CD248: variants seen among roughly 807,000 people sequenced by gnomAD.
CD248 encodes endosialin.
CD248 carries 7 observed loss-of-function variants against 8.0 expected under a neutral mutation model. The ratio of observed to expected loss-of-function variants is 0.88; its 90% CI spans 0.50 to 1.64. The LOEUF (loss-of-function observed/expected upper bound fraction) is 1.64. CD248 is among the 40% of genes most tolerant of loss of function. The pLI is 0.00. For synonymous variants in CD248, 418 were observed against 437.1 expected (o/e 0.96, Z 0.54); for missense variants, 912 against 1,027.2 (o/e 0.89, Z 1.53).
rs558286010 is a variant in CD248 at position 66,316,178 on chromosome 11, A to G, written c.850T>C (p.Cys284Arg). The change falls in exon 1 of 1, where the codon TGT (cysteine) becomes CGT (arginine). Residue 284 changes from cysteine to arginine, a missense_variant. Physicochemically the swap from Cys to Arg is radical, Grantham distance 180 (BLOSUM62 -3). Around this residue, in one of 3 missense-constraint regions of CD248, gnomAD observed 403 missense variants for 446.2 expected, o/e 0.90. Transcript: ENST00000311330. ...PCAQAPCEQQ[C>R]EPGGPQGYSC... is the part of the protein sequence containing the mutation. ...TAGCCTTGTGGCCCACCGGGCTCAC[A>G]CTGCTGCTCGCACGGAGCCTGGGCA... The G allele has an allele frequency of 6.2e-7, 1 of 1,612,560 alleles. No homozygotes were observed. The highest frequency in any genetic ancestry group is 1.3e-5 in the African/African-American group (1 of 75,072).
In CD248 at chr11:66,316,093, T is replaced by C. The variant is rs1313040302; in HGVS notation, c.935A>G (p.Asp312Gly). 1 of 1,613,642 alleles carries C rather than the reference T, an allele frequency of 6.2e-7. No homozygotes were observed. Among genetic ancestry groups the C allele is most frequent in the Non-Finnish European group, 8.5e-7 (1 of 1,180,032 alleles). ...PAEDDPHRCV[D>G]TDECQIAGVC... is the part of the protein sequence containing the mutation. The stretch of plus-strand genomic sequence containing the variant: ...ACCGGCAATCTGGCACTCATCTGTG[T>C]CCACACAGCGGTGCGGATCATCCTC... Residue 312 changes from aspartate (D) to glycine (G), a missense_variant, in exon 1 of 1, where the codon GAC becomes GGC. Physicochemically the swap from Asp to Gly is moderately conservative, Grantham distance 94. This residue lies in a region of CD248 where 403 missense variants were observed against 446.2 expected (regional missense o/e 0.90). Transcript: ENST00000311330.
chr11:66,316,926 G>C lies in CD248; in HGVS notation c.102C>G (p.Cys34Trp). 2 of 1,556,518 alleles carry C rather than the reference G, an allele frequency of 1.3e-6. No individual in the cohort carries two copies. Among genetic ancestry groups the C allele is most frequent in the Non-Finnish European group, 1.7e-6 (2 of 1,162,014 alleles). ...TGCGGCGCCGTGGGAAGAGAGCGTA[G>C]CAGCTGCTGGGGCCGCAGGCGGCAC... Reference protein sequence around the residue: ...EPRAACGPSSCYALFPRRRTF... With the variant: ...EPRAACGPSSWYALFPRRRTF... The change falls in exon 1 of 1, where the codon TGC becomes TGG. Residue 34 changes from cysteine to tryptophan, a missense_variant. Cys to Trp is a radical substitution (Grantham distance 215). Around this residue, in one of 3 missense-constraint regions of CD248, gnomAD observed 403 missense variants for 446.2 expected, o/e 0.90. Transcript: ENST00000311330.
In CD248 at chr11:66,316,143, G is replaced by A. The variant is rs762736174; in HGVS notation, c.885C>T (p.His295=). 12 of 1,612,664 alleles carry A rather than the reference G, an allele frequency of 7.4e-6. No individual in the cohort carries two copies. The highest frequency in any genetic ancestry group is 2.2e-5 in the South Asian group (2 of 91,092). Reference sequence around the variant, plus strand: ...CCGCTGGCCGGAAACCCAGGCGACAGTGGCAGCTGTAGCCTTGTGGCCCAC... The same window carrying A: ...CCGCTGGCCGGAAACCCAGGCGACAATGGCAGCTGTAGCCTTGTGGCCCAC... ...EPGGPQGYSC[H]CRLGFRPAED... The change falls in exon 1 of 1, where the codon CAC becomes CAT. Residue 295 remains histidine (H), a synonymous_variant. Transcript: ENST00000311330.
In CD248 at chr11:66,314,948, G is replaced by T; in HGVS notation, c.2080C>A (p.Pro694Thr). ...AGGACCACCAAAAAGACACACGTTG[G>T]CACCAGGAGTGCCACCAGCAGCCAC... The part of the protein sequence containing the change: ...DRWLLVALLV[P>T]TCVFLVVLLA... The change falls in exon 1 of 1, where the codon CCA becomes ACA. Residue 694 changes from proline to threonine, a missense_variant. By Grantham distance (38) the Pro-to-Thr change is conservative. Around this residue, in one of 3 missense-constraint regions of CD248, gnomAD observed 507 missense variants for 562.2 expected, o/e 0.90. Transcript: ENST00000311330. The surrounding 1 kb of genome is among the most constrained non-coding windows in gnomAD (Gnocchi z 4.0). 6.2e-7 allele frequency: 1 copy of T among 1,613,398 alleles called. No homozygotes were observed. Among genetic ancestry groups the T allele is most frequent in the Non-Finnish European group, 8.5e-7 (1 of 1,179,960 alleles).
In CD248 at chr11:66,315,076, G is replaced by C; in HGVS notation, c.1952C>G (p.Pro651Arg). 1 of 1,567,558 alleles carries C rather than the reference G, an allele frequency of 6.4e-7. No homozygotes were observed. The highest frequency in any genetic ancestry group is 1.3e-5 in the African/African-American group (1 of 74,076). Residue 651 changes from proline to arginine, a missense_variant, in exon 1 of 1, where the codon CCC (proline) becomes CGC (arginine). Pro to Arg is a moderately radical substitution (Grantham distance 103, BLOSUM62 -2). Transcript: ENST00000311330. This position sits in a 1 kb window ranked among gnomAD's most constrained non-coding sequence, Gnocchi z 4.3. ...CAGCCACAGGGCCAACTTGGGACTG[G>C]GGCCATCTTCCCTTGGGATTTGGGG... Reference protein sequence around the residue: ...KAPQIPREDGPSPKLALWLPS... With the variant: ...KAPQIPREDGRSPKLALWLPS...
Position 66,314,924 on chromosome 11 carries a change from G to T in CD248, c.2104C>A (p.Leu702Met). ...LVPTCVFLVV[L>M]LALGIVYCTR... ...CAGTACACGATGCCCAGTGCAAGCA[G>T]GACCACCAAAAAGACACACGTTGGC... Residue 702 changes from leucine to methionine, a missense_variant, in exon 1 of 1, where the codon CTG (leucine) becomes ATG (methionine). Physicochemically the swap from Leu to Met is conservative, Grantham distance 15. Coordinates refer to ENST00000311330, the MANE Select transcript of CD248 (RefSeq NM_020404.3). The surrounding 1 kb of genome is among the most constrained non-coding windows in gnomAD (Gnocchi z 4.0). The T allele has an allele frequency of 6.2e-7, 1 of 1,613,362 alleles. No individual in the cohort carries two copies. Among genetic ancestry groups the T allele is most frequent in the South Asian group, 1.1e-5 (1 of 91,036 alleles).
rs1249130779 is a variant in CD248 at position 66,314,851 on chromosome 11, T to C, written c.2177A>G (p.Tyr726Cys). 6.3e-7 allele frequency: 1 copy of C among 1,598,322 alleles called. No homozygotes were observed. Among genetic ancestry groups the C allele is most frequent in the South Asian group, 1.1e-5 (1 of 88,856 alleles). ...GCTCCCAGCATGGATGACCCAGCGA[T>C]AGCAGTCAGTGATGCGCTTGTTGGG... is the stretch of plus-strand genomic sequence containing the variant. ...HAPNKRITDC[Y>C]RWVIHAGSKS... Residue 726 changes from tyrosine to cysteine, a missense_variant, in exon 1 of 1, where the codon TAT becomes TGT. Tyr to Cys is a radical substitution (Grantham distance 194, BLOSUM62 -2). Coordinates refer to ENST00000311330, the MANE Select transcript of CD248 (RefSeq NM_020404.3). This position sits in a 1 kb window ranked among gnomAD's most constrained non-coding sequence, Gnocchi z 4.0.
Position 66,315,717 on chromosome 11 carries a change from C to T in CD248, c.1311G>A (p.Arg437=). Residue 437 remains arginine (R), a synonymous_variant, in exon 1 of 1, where the codon AGG becomes AGA. Coordinates refer to ENST00000311330, the MANE Select transcript of CD248 (RefSeq NM_020404.3). This position sits in a 1 kb window ranked among gnomAD's most constrained non-coding sequence, Gnocchi z 4.3. ...AGAGCACTGAGGAGTGGTAGGGGAC[C>T]CTGGGGGCACTGAGCGGGGGTGGCC... is the stretch of plus-strand genomic sequence containing the variant. The part of the protein sequence containing the change: ...PTWPPPLSAP[R]VPYHSSVLSV... The T allele has an allele frequency of 6.2e-7, 1 of 1,611,308 alleles. No homozygotes were observed. Among genetic ancestry groups the T allele is most frequent in the Non-Finnish European group, 8.5e-7 (1 of 1,178,220 alleles).
Position 66,316,580 on chromosome 11 carries a change from C to T in CD248, c.448G>A (p.Ala150Thr). Residue 150 changes from alanine to threonine, a missense_variant, in exon 1 of 1, where the codon GCT becomes ACT. Coordinates refer to ENST00000311330, the MANE Select transcript of CD248 (RefSeq NM_020404.3). ...HRWLEGSCTL[A>T]VDGYLCQFGF... ...AACTGGCACAGGTAGCCGTCGACAG[C>T]CAGCGTGCACGAGCCCTCCAGCCAG... is the stretch of plus-strand genomic sequence containing the variant. 6.2e-7 allele frequency: 1 copy of T among 1,601,124 alleles called. No homozygotes were observed. The highest frequency in any genetic ancestry group is 8.5e-7 in the Non-Finnish European group (1 of 1,179,410).
At position 66,316,329 on chromosome 11, in the gene CD248, A is replaced by G. The variant is rs1407689158; in HGVS notation, c.699T>C (p.Thr233=). ...AGCCCCCGTTGTCAGGGCTGCAGCC[A>G]GTCCCCAGGCACAGGGGCCCAGCCC... ...WSRAGPLCLG[T]GCSPDNGGCE... Residue 233 remains threonine (T), a synonymous_variant, in exon 1 of 1, where the codon ACT becomes ACC. Coordinates refer to ENST00000311330, the MANE Select transcript of CD248 (RefSeq NM_020404.3). 2.5e-6 allele frequency: 4 copies of G among 1,612,798 alleles called. No individual in the cohort carries two copies. In the African/African-American group the frequency reaches 5.3e-5, roughly 22 times the overall value.
chr11:66,315,185 C>T lies in CD248; in HGVS notation c.1843G>A (p.Ala615Thr), dbSNP rs573402557. The change falls in exon 1 of 1, where the codon GCA (alanine) becomes ACA (threonine). Residue 615 changes from alanine (A) to threonine (T), a missense_variant. Ala to Thr is a moderately conservative substitution (Grantham distance 58, BLOSUM62 0). This residue lies in a region of CD248 where 507 missense variants were observed against 562.2 expected (regional missense o/e 0.90). Transcript: ENST00000311330. This position sits in a 1 kb window ranked among gnomAD's most constrained non-coding sequence, Gnocchi z 4.3. ...QISVPAATQP[A>T]ALPTLLPSQS... Reference sequence around the variant, plus strand: ...GAGGGCAGGAGGGTGGGGAGGGCTGCGGGCTGGGTGGCAGCAGGCACAGAG... The same window carrying T: ...GAGGGCAGGAGGGTGGGGAGGGCTGTGGGCTGGGTGGCAGCAGGCACAGAG... 6.8e-5 allele frequency: 104 copies of T among 1,525,974 alleles called. 1 individual carries two copies. The South Asian group carries it at 9.4e-4, about 14-fold the overall frequency. 94.5% of individuals were successfully genotyped at this position (1,525,974 alleles called of 1,614,324 possible). A position where few individuals can be genotyped will look rare whatever the true frequency, so the allele number is the denominator to read the frequency against.
rs368665958 is a variant in CD248, at chr11:66,316,522, T to A, written c.506A>T (p.Asp169Val). The A allele has an allele frequency of 7.5e-5, 120 of 1,598,720 alleles. No individual in the cohort carries two copies. The highest frequency in any genetic ancestry group is 1.6e-4 in the Middle Eastern group (1 of 6,072). Residue 169 changes from aspartate (D) to valine (V), a missense_variant, in exon 1 of 1, where the codon GAT becomes GTT. Asp to Val is a radical substitution (Grantham distance 152, BLOSUM62 -3). Coordinates refer to ENST00000311330, the MANE Select transcript of CD248 (RefSeq NM_020404.3). Reference protein sequence around the residue: ...GFEGACPALQDEAGQAGPAVY... With the variant: ...GFEGACPALQVEAGQAGPAVY... Reference sequence around the variant, plus strand: ...GGCTGGGCCGGCCTGGCCCGCCTCATCTTGCAGCGCCGGGCAGGCGCCCTC... The same window carrying A: ...GGCTGGGCCGGCCTGGCCCGCCTCAACTTGCAGCGCCGGGCAGGCGCCCTC...
Position 66,316,820 on chromosome 11 carries a change from C to A in CD248, c.208G>T (p.Val70Leu). 2 of 1,574,316 alleles carry A rather than the reference C, an allele frequency of 1.3e-6. No homozygotes were observed. Among genetic ancestry groups the A allele is most frequent in the South Asian group, 1.1e-5 (1 of 89,336 alleles). The change falls in exon 1 of 1, where the codon GTG becomes TTG. Residue 70 changes from valine (V) to leucine (L), a missense_variant. Transcript: ENST00000311330. ...TPRTPEEAQR[V>L]DSLVGAGPAS... ...GGGCCCGCACCCACCAGGCTGTCCA[C>A]ACGCTGGGCCTCCTCGGGGGTCCGA...
chr11:66,316,713 C>T lies in CD248; in HGVS notation c.315G>A (p.Trp105Ter), dbSNP rs1307463473. The T allele has an allele frequency of 4.4e-6, 7 of 1,605,958 alleles. No homozygotes were observed. Among genetic ancestry groups the T allele is most frequent in the African/African-American group, 2.7e-5 (2 of 74,876 alleles). ...QLQRPLRGFT[W>*]TTGDQDTAFT... is the part of the protein sequence containing the mutation. ...AAGCCGTGTCCTGGTCCCCTGTGGT[C>T]CACGTGAAGCCGCGCAGTGGGCGCT... The change falls in exon 1 of 1, where the codon TGG becomes TGA. Residue 105 changes from tryptophan to a stop codon, truncating the protein, a stop_gained. Transcript: ENST00000311330. LOFTEE classifies it low-confidence loss of function (END_TRUNC).
At position 66,317,017 on chromosome 11, in the gene CD248, C is replaced by A; in HGVS notation, c.11G>T (p.Arg4Leu). 1 of 1,462,036 alleles carries A rather than the reference C, an allele frequency of 6.8e-7. No homozygotes were observed. Among genetic ancestry groups the A allele is most frequent in the Non-Finnish European group, 8.9e-7 (1 of 1,118,380 alleles). The allele number at this position is 1,462,036 out of a possible 1,614,324, so 90.6% of individuals were successfully genotyped here. Residue 4 changes from arginine (R) to leucine (L), a missense_variant, in exon 1 of 1, where the codon CGC (arginine) becomes CTC (leucine). By Grantham distance (102) the Arg-to-Leu change is moderately radical. Around this residue, in one of 3 missense-constraint regions of CD248, gnomAD observed 403 missense variants for 446.2 expected, o/e 0.90. Transcript: ENST00000311330. ...TGCGGCCGCCCAGGCCAGCAACAGGCGCAGCAGCATCGCGATGCCCCCGGA... is the reference window on the plus strand; with the variant it reads ...TGCGGCCGCCCAGGCCAGCAACAGGAGCAGCAGCATCGCGATGCCCCCGGA... MLLRLLLAWAAAGP... is the reference protein window; with the variant it reads MLLLLLLAWAAAGP...
chr11:66,316,383 C>T lies in CD248; in HGVS notation c.645G>A (p.Lys215=). The T allele has an allele frequency of 6.2e-7, 1 of 1,610,462 alleles. No individual in the cohort carries two copies. Among genetic ancestry groups the T allele is most frequent in the Non-Finnish European group, 8.5e-7 (1 of 1,179,904 alleles). ...AGRGASLLCV[K]QPEGGVGWSR... ...ACCAGCCCACACCTCCCTCAGGCTG[C>T]TTCACGCAGAGCAGAGAGGCTCCCC... is the stretch of plus-strand genomic sequence containing the variant. Residue 215 remains lysine, a synonymous_variant, in exon 1 of 1, where the codon AAG becomes AAA. Transcript: ENST00000311330.
Position 66,316,914 on chromosome 11 carries a change from GA to G in CD248, c.113del (p.Phe38SerfsTer177). 2 of 1,560,068 alleles carry G rather than the reference GA, an allele frequency of 1.3e-6. No homozygotes were observed. Among genetic ancestry groups the G allele is most frequent in the Non-Finnish European group, 1.7e-6 (2 of 1,163,080 alleles). On this transcript the variant is annotated frameshift_variant, in exon 1 of 1. Transcript: ENST00000311330. LOFTEE classifies it low-confidence loss of function (END_TRUNC). ...ACGPSSCYAL[F>X]PRRRTFLEAW... ...CCTCCAGGAAGGTGCGGCGCCGTGG[GA>G]AGAGAGCGTAGCAGCTGCTGGGGCC...
chr11:66,316,883 G>A lies in CD248; in HGVS notation c.145C>T (p.Arg49Trp), dbSNP rs759244619. ...TCGCCCCCCAGCTCGCGGCAGGCCC[G>A]CCAGGCCTCCAGGAAGGTGCGGCGC... ...PRRRTFLEAW[R>W]ACRELGGDLA... Residue 49 changes from arginine to tryptophan, a missense_variant, in exon 1 of 1, where the codon CGG becomes TGG. By Grantham distance (101) the Arg-to-Trp change is moderately radical. This residue lies in a region of CD248 where 403 missense variants were observed against 446.2 expected (regional missense o/e 0.90). Coordinates refer to ENST00000311330, the MANE Select transcript of CD248 (RefSeq NM_020404.3). The A allele has an allele frequency of 7.1e-6, 11 of 1,549,668 alleles. No homozygotes were observed. The South Asian group carries it at 9.3e-5, about 13-fold the overall frequency.
In CD248 at chr11:66,315,792, C is replaced by T. The variant is rs78560344; in HGVS notation, c.1236G>A (p.Pro412=). ...QPPDFALAYR[P]SFPEDREPQI... Reference sequence around the variant, plus strand: ...GTGGCTCTCTGTCCTCTGGGAAGCTCGGTCTATAGGCCAGGGCAAAGTCAG... The same window carrying T: ...GTGGCTCTCTGTCCTCTGGGAAGCTTGGTCTATAGGCCAGGGCAAAGTCAG... Residue 412 remains proline, a synonymous_variant, in exon 1 of 1, where the codon CCG becomes CCA. Transcript: ENST00000311330. The surrounding 1 kb of genome is among the most constrained non-coding windows in gnomAD (Gnocchi z 4.3). 3,665 of 1,613,688 alleles carry T rather than the reference C, an allele frequency of 2.3e-3. 16 individuals are homozygous for T. Among genetic ancestry groups the T allele is most frequent in the African/African-American group, 0.016 (1,173 of 74,968 alleles).
Sources: allele counts gnomAD v4.1 joint callset, GRCh38; gene constraint gnomAD v4.1.1; regional missense constraint gnomAD v4.1.1; non-coding constraint Gnocchi (gnomAD v3.1); transcripts MANE v1.5; gene names NCBI Gene and HGNC (gene_info 2026-07-23, HGNC 2026-07-21).